The following KCTD7 variants were observed in gnomAD, a reference collection of about 807,000 sequenced individuals.
The protein encoded by KCTD7 is potassium channel tetramerization domain containing 7, also known as BTB/POZ domain-containing protein KCTD7.
In KCTD7, 15 loss-of-function variants were observed where a neutral mutation model predicts 27.0. That is an observed-to-expected ratio of 0.56 (90% CI 0.37 to 0.86). The LOEUF (loss-of-function observed/expected upper bound fraction) is 0.86. Among genes scored for constraint, KCTD7 ranks in the 40% least tolerant of loss-of-function variants. The probability of loss-of-function intolerance (pLI) is 0.00; values close to 1 mark genes in which losing one functional copy is unlikely to be tolerated. For synonymous variants in KCTD7, 159 were observed against 162.7 expected, an observed-to-expected ratio of 0.98 and a Z score of 0.17; for missense variants, 299 against 398.9, an observed-to-expected ratio of 0.75 and a Z score of 2.13.
intron 2 of KCTD7, 79 bp downstream of exon 2, chr7:66,633,523 T>TTCCA: frequency 7.7e-7 from 1 of 1,291,788 alleles, no homozygotes; most frequent in South Asian, 1.2e-5. Flanking sequence ...CCTTGATATC[T>TTCCA]TCCATAGTAC....
At chr7:66,632,731 G>T (rs186186678) in intron 1 of KCTD7, among the ~76,000 whole-genome samples, 235 of 152,002 alleles carry the variant, frequency 1.5e-3, no homozygotes, top group African/African-American at 5.5e-3. Context: ...TGGAGTTGAG[G>T]TGGAGAGACC....
rs761707159 is a variant in KCTD7 at position 66,638,395 on chromosome 7, C to T, written c.457C>T (p.Arg153Cys). ...GCAGCCACTGAAGGGCGAGAAGGTG[C>T]GCCAAGCGTTTCTGGGACTCATGCC... The part of the protein sequence containing the change: ...NMQPLKGEKV[R>C]QAFLGLMPYY... The change falls in exon 3 of 4, where the codon CGC becomes TGC. Residue 153 changes from arginine to cysteine, a missense_variant. Transcript: ENST00000639828. The T allele has an allele frequency of 2.5e-6, 4 of 1,614,214 alleles. No individual in the cohort carries two copies. The highest frequency in any genetic ancestry group is 1.6e-4 in the Middle Eastern group (1 of 6,062).
intron 1 of KCTD7, among the ~76,000 whole-genome samples, chr7:66,631,768 A>T (rs1215215848): frequency 6.6e-6 from 1 of 151,948 alleles, no homozygotes; most frequent in Non-Finnish European, 1.5e-5. Flanking sequence ...CATTTATACC[A>T]TCATTTTCAT....
At chr7:66,643,220 G>C, downstream of KCTD7, 2 of 985,178 alleles carry the variant, frequency 2.0e-6, no homozygotes, top group Non-Finnish European at 2.4e-6. Flanking sequence ...CCCTGAAAGG[G>C]AGGTGGGCCT....
Position 66,629,006 on chromosome 7 carries a change from TGCCCGGGGCCGCCGCCTCCGCCC to T in KCTD7, c.-53_-31del. 6.8e-7 allele frequency: 1 copy of T among 1,460,622 alleles called. No individual in the cohort carries two copies. The highest frequency in any genetic ancestry group is 9.1e-7 in the Non-Finnish European group (1 of 1,099,844). 90.5% of individuals were successfully genotyped at this position (1,460,622 alleles called of 1,614,324 possible). On this transcript the variant is annotated 5_prime_UTR_variant, in exon 1 of 4. Transcript: ENST00000639828. Reference sequence around the variant, plus strand: ...CCAGGCGCTGCTCGGCGGTAGGGAGTGCCCGGGGCCGCCGCCTCCGCCCGCCCGAAGCCGCGCCCACTGCCCAG... The same window carrying T: ...CCAGGCGCTGCTCGGCGGTAGGGAGTGCCCGAAGCCGCGCCCACTGCCCAG...
rs1241868814 is a variant in KCTD7 at position 66,639,092 on chromosome 7, C to G, written c.730C>G (p.Leu244Val). The G allele has an allele frequency of 6.2e-7, 1 of 1,614,186 alleles. No individual in the cohort carries two copies. Among genetic ancestry groups the G allele is most frequent in the Non-Finnish European group, 8.5e-7 (1 of 1,180,036 alleles). The change falls in exon 4 of 4, where the codon CTG becomes GTG. Residue 244 changes from leucine (L) to valine (V), a missense_variant. Transcript: ENST00000639828. The stretch of plus-strand genomic sequence containing the variant: ...GGAGGCTGTGGCTGATGTTTATGAC[C>G]TGCTGCACTGCCTGGTCACGGACCT... ...PWEAVADVYD[L>V]LHCLVTDLSA...
chr7:66,632,720 A>G (rs1786479775), intron 1 of KCTD7, among the ~76,000 whole-genome samples: 2 of 151,906 alleles, frequency 1.3e-5, no homozygotes, highest in South Asian at 4.1e-4. Context: ...AGCAGCGATA[A>G]TGGAGTTGAG....
At position 66,642,563 on chromosome 7, in the gene KCTD7, G is replaced by T. The variant is rs901211446; in HGVS notation, c.*3331G>T. The stretch of plus-strand genomic sequence containing the variant: ...AAAACAAAAACTACTGATGCTGAGC[G>T]TTTTGATCCTAGTAATATTTCAAAT... On this transcript the variant is annotated 3_prime_UTR_variant, in exon 4 of 4. Transcript: ENST00000639828. 2 of 985,286 alleles carry T rather than the reference G, an allele frequency of 2.0e-6. No homozygotes were observed. Among genetic ancestry groups the T allele is most frequent in the South Asian group, 9.4e-5 (2 of 21,292 alleles). The allele number at this position is 985,286 out of a possible 1,614,324, so 61.0% of individuals were successfully genotyped here.
chr7:66,633,215 G>A (rs1224105104), intron 1 of KCTD7, 60 bp from the exon 2 acceptor site: 3 of 1,568,168 alleles, frequency 1.9e-6, no homozygotes, highest in Non-Finnish European at 2.6e-6. Context: ...ATTGAAGATG[G>A]AGCAGCCCCA....
At chr7:66,633,779 G>C (rs753371667) in intron 2 of KCTD7, among the ~76,000 whole-genome samples, 6 of 151,844 alleles carry the variant, frequency 4.0e-5, no homozygotes, top group Non-Finnish European at 7.4e-5. Flanking sequence ...TTGAGGCCAG[G>C]AGTTCCAGAC....
Position 66,638,229 on chromosome 7 carries a change from C to T in KCTD7, c.315-24C>T, listed in dbSNP as rs75672175. 17,228 of 1,613,792 alleles carry T rather than the reference C, an allele frequency of 0.011. 498 individuals are homozygous for T. Among genetic ancestry groups the T allele is most frequent in the East Asian group, 0.1 (4,571 of 44,866 alleles). On this transcript the variant is annotated intron_variant, in intron 2 of 3. Coordinates refer to ENST00000639828, the MANE Select transcript of KCTD7 (RefSeq NM_153033.5). ...CCCAGGAGCATAAGCTCCTTGTCAC[C>T]GACCCTCTTTCCTTCCTGCTTAGAG...
In KCTD7 at chr7:66,641,519, T is replaced by C; in HGVS notation, c.*2287T>C. ...TGCTCAAAAACAGGTCCTGAAGGCT[T>C]GCTTAGGATTACAGGGATGCTGGGT... On this transcript the variant is annotated 3_prime_UTR_variant, in exon 4 of 4. Transcript: ENST00000639828. The C allele has an allele frequency of 1.0e-6, 1 of 985,414 alleles. No homozygotes were observed. Among genetic ancestry groups the C allele is most frequent in the Non-Finnish European group, 1.2e-6 (1 of 829,920 alleles). 61.0% of individuals were successfully genotyped at this position (985,414 alleles called of 1,614,324 possible). A position where few individuals can be genotyped will look rare whatever the true frequency, so the allele number is the denominator to read the frequency against.
chr7:66,632,619 A>AAG (rs1786478491), intron 1 of KCTD7, among the ~76,000 whole-genome samples: 1 of 152,174 alleles, frequency 6.6e-6, no homozygotes, highest in African/African-American at 2.4e-5. Context: ...GGAGACTGGT[A>AAG]AGAGCATTTT....
rs1454761643 is a variant in KCTD7, at chr7:66,642,115, C to T, written c.*2883C>T. 3.0e-6 allele frequency: 3 copies of T among 985,174 alleles called. No homozygotes were observed. The highest frequency in any genetic ancestry group is 3.6e-6 in the Non-Finnish European group (3 of 829,916). The allele number at this position is 985,174 out of a possible 1,614,324, so 61.0% of individuals were successfully genotyped here. On this transcript the variant is annotated 3_prime_UTR_variant, in exon 4 of 4. Transcript: ENST00000639828. The stretch of plus-strand genomic sequence containing the variant: ...ACCAATGGTGCAATGCTCGCCATAA[C>T]AAAATTCCTTAAAAATAAAAAAGCT...
chr7:66,641,841 CT>C lies in KCTD7; in HGVS notation c.*2613del, dbSNP rs769243904. 7 of 985,452 alleles carry C rather than the reference CT, an allele frequency of 7.1e-6. No individual in the cohort carries two copies. Among genetic ancestry groups the C allele is most frequent in the Non-Finnish European group, 8.4e-6 (7 of 829,954 alleles). The allele number at this position is 985,452 out of a possible 1,614,324, so 61.0% of individuals were successfully genotyped here. On this transcript the variant is annotated 3_prime_UTR_variant, in exon 4 of 4. Coordinates refer to ENST00000639828, the MANE Select transcript of KCTD7 (RefSeq NM_153033.5). ...AAAGGGGTTATCCCTGTGGAAGTGA[CT>C]TTTCCCCATTTGATCCCTTTTCAAC...
In KCTD7 at chr7:66,638,298, G is replaced by T; in HGVS notation, c.360G>T (p.Glu120Asp). The T allele has an allele frequency of 6.2e-7, 1 of 1,614,224 alleles. No individual in the cohort carries two copies. Among genetic ancestry groups the T allele is most frequent in the Non-Finnish European group, 8.5e-7 (1 of 1,180,040 alleles). Residue 120 changes from glutamate to aspartate, a missense_variant, in exon 3 of 4, where the codon GAG (glutamate) becomes GAT (aspartate). Physicochemically the swap from Glu to Asp is conservative, Grantham distance 45. Transcript: ENST00000639828. Reference protein sequence around the residue: ...FLRSGDLPPRERVRAVYKEAQ... With the variant: ...FLRSGDLPPRDRVRAVYKEAQ... ...GCTCAGGGGACCTCCCACCCAGGGA[G>T]CGTGTTCGAGCTGTGTACAAAGAGG...
chr7:66,642,448 T>A lies in KCTD7; in HGVS notation c.*3216T>A, dbSNP rs552278503. On this transcript the variant is annotated 3_prime_UTR_variant, in exon 4 of 4. Transcript: ENST00000639828. ...GGCTGCTTGCTGGAGGAATAGGAAG[T>A]GACATTTATAAGACACAGGCGGTGT... The A allele has an allele frequency of 1.0e-5, 10 of 985,414 alleles. No individual in the cohort carries two copies. The highest frequency in any genetic ancestry group is 7.0e-5 in the African/African-American group (4 of 57,342). 61.0% of individuals were successfully genotyped at this position (985,414 alleles called of 1,614,324 possible).
intron 1 of KCTD7, 118 bp downstream of exon 1, chr7:66,629,326 A>G (rs1378538609): frequency 1.3e-6 from 1 of 770,686 alleles, no homozygotes. Context: ...GGGCCCGCGG[A>G]CTTGCGCCCC....
intron 2 of KCTD7, 138 bp downstream of exon 2, chr7:66,633,582 G>A: frequency 1.2e-6 from 1 of 810,628 alleles, no homozygotes; most frequent in Non-Finnish European, 2.0e-6. Context: ...TGGGTTTATT[G>A]AAAGAGATCA....
Sources: gnomAD v4.1 joint callset for allele counts (sites outside exome capture counted in the v4.1 genomes callset) on GRCh38, gnomAD v4.1.1 for gene constraint, MANE v1.5 for transcripts, NCBI Gene and HGNC (gene_info 2026-07-23, HGNC 2026-07-21) for gene names.